Variants in LRRC36 observed in about 807,000 individuals in gnomAD.
The protein encoded by LRRC36 is leucine rich repeat containing 36.
In LRRC36, 62 loss-of-function variants were observed where a neutral mutation model predicts 81.1. The ratio of observed to expected loss-of-function variants is 0.76; its 90% CI spans 0.62 to 0.94. The LOEUF is 0.94. Ranked by LOEUF, LRRC36 falls within the 40% of genes least tolerant of loss-of-function variation. The pLI is 0.00. For synonymous variants in LRRC36, 334 were observed against 348.6 expected, an observed-to-expected ratio of 0.96 and a Z score of 0.47; for missense variants, 761 against 881.7, an observed-to-expected ratio of 0.86 and a Z score of 1.73.
chr16:67,384,440 A>C (rs1338755375), intron 13 of LRRC36, among the ~76,000 whole-genome samples: 1 of 152,198 alleles, frequency 6.6e-6, no homozygotes, highest in Non-Finnish European at 1.5e-5. Flanking sequence ...ATCTCGAAAA[A>C]AAAAATTAGA....
rs781368405 is a variant in LRRC36 at position 67,376,880 on chromosome 16, C to T, written c.1806+8C>T. Reference sequence around the variant, plus strand: ...CTGGTCCCTAATGACATGGTATGCCCCTCTCATCTCCCTTTAGAAAAGGAC... The same window carrying T: ...CTGGTCCCTAATGACATGGTATGCCTCTCTCATCTCCCTTTAGAAAAGGAC... On this transcript the variant is annotated splice_region_variant and intron_variant, in intron 11 of 13. Coordinates refer to ENST00000329956, the MANE Select transcript of LRRC36 (RefSeq NM_018296.6). 4 of 1,602,496 alleles carry T rather than the reference C, an allele frequency of 2.5e-6. No individual in the cohort carries two copies. In the Admixed American group the frequency reaches 6.7e-5, roughly 27 times the overall value.
rs944235932 is a variant in LRRC36, at chr16:67,351,407, G to A, written c.577+1117G>A. Among the ~76,000 whole-genome samples the A allele has an allele frequency of 6.6e-5, 10 of 151,962 alleles. No individual in the cohort carries two copies. The South Asian group carries it at 2.1e-3, about 32-fold the overall frequency. On this transcript the variant is annotated intron_variant, in intron 5 of 13. Transcript: ENST00000329956. ...TGACAAATGATTTTTAGAGTATTTT[G>A]TGATAAAATGAGACACGGGCCGGGC...
Position 67,376,659 on chromosome 16 carries a change from T to TA in LRRC36, c.1661-67dup. Reference sequence around the variant, plus strand: ...CTATTTGATCCAGAGAGCTGGTAGTTACTGACTAGGAATGCTGTGCCTTAG... The same window carrying TA: ...CTATTTGATCCAGAGAGCTGGTAGTTAACTGACTAGGAATGCTGTGCCTTAG... On this transcript the variant is annotated intron_variant, in intron 10 of 13. Transcript: ENST00000329956. The TA allele has an allele frequency of 8.0e-6, 12 of 1,505,732 alleles. No homozygotes were observed. The South Asian group carries it at 1.5e-4, about 18-fold the overall frequency. The allele number at this position is 1,505,732 out of a possible 1,614,324, so 93.3% of individuals were successfully genotyped here.
chr16:67,384,336 AG>A (rs1463967994), intron 13 of LRRC36, among the ~76,000 whole-genome samples: 4 of 152,172 alleles, frequency 2.6e-5, no homozygotes, highest in African/African-American at 9.7e-5. Flanking sequence ...TGGGAGGCTG[AG>A]GCAGGAGAAT....
chr16:67,329,399 T>C (rs1214937216), intron 1 of LRRC36, among the ~76,000 whole-genome samples: 5 of 152,080 alleles, frequency 3.3e-5, no homozygotes. Flanking sequence ...CAAGCAATTC[T>C]CCTGCCTCAG....
intron 6 of LRRC36, 44 bp downstream of exon 6, chr16:67,363,758 T>A: frequency 6.3e-7 from 1 of 1,592,846 alleles, no homozygotes; most frequent in Non-Finnish European, 8.6e-7. Context: ...TAGTCAATGA[T>A]TAATACTGAT....
At chr16:67,378,164 T>A (rs1299435462) in intron 11 of LRRC36, among the ~76,000 whole-genome samples, 1 of 152,000 alleles carries the variant, frequency 6.6e-6, no homozygotes, top group African/African-American at 2.4e-5. Flanking sequence ...GATGCTGACT[T>A]CCAATCAGTT....
intron 1 of LRRC36, among the ~76,000 whole-genome samples, chr16:67,328,439 G>T (rs900186398): frequency 1.3e-5 from 2 of 152,148 alleles, no homozygotes; most frequent in Admixed American, 1.3e-4. Context: ...CGTGAACCCA[G>T]GAGGCGGAGC....
In LRRC36 at chr16:67,370,116, C is replaced by G. The variant is rs150308556; in HGVS notation, c.1196-828C>G. On this transcript the variant is annotated intron_variant, in intron 8 of 13. Transcript: ENST00000329956. ...GAGAGGCTGGTTTTAAATAAAAGCACAGATAGTTCATCTATTGTAATAAGA... is the reference window on the plus strand; with the variant it reads ...GAGAGGCTGGTTTTAAATAAAAGCAGAGATAGTTCATCTATTGTAATAAGA... 2.2e-3 allele frequency among the ~76,000 whole-genome samples: 334 copies of G among 152,164 alleles called. 2 individuals are homozygous for G. The highest frequency in any genetic ancestry group is 7.7e-3 in the African/African-American group (319 of 41,518).
rs780430394 is a variant in LRRC36, at chr16:67,378,634, A to G, written c.1852A>G (p.Ile618Val). 3 of 1,614,138 alleles carry G rather than the reference A, an allele frequency of 1.9e-6. No homozygotes were observed. Among genetic ancestry groups the G allele is most frequent in the Non-Finnish European group, 2.5e-6 (3 of 1,179,976 alleles). Reference protein sequence around the residue: ...KLVRVLEENLILSEKIQQLEE... With the variant: ...KLVRVLEENLVLSEKIQQLEE... ...GGTCAGAGTGCTGGAGGAAAACCTCATTTTGTCAGAAAAAATTCAACAGTT... is the reference window on the plus strand; with the variant it reads ...GGTCAGAGTGCTGGAGGAAAACCTCGTTTTGTCAGAAAAAATTCAACAGTT... The change falls in exon 12 of 14, where the codon ATT becomes GTT. Residue 618 changes from isoleucine to valine, a missense_variant. Transcript: ENST00000329956.
intron 5 of LRRC36, among the ~76,000 whole-genome samples, chr16:67,354,511 C>T (rs957245925): frequency 5.3e-4 from 80 of 152,320 alleles, no homozygotes; most frequent in African/African-American, 1.6e-3. Context: ...CCCCTAACCT[C>T]AAGTGATCCA....
chr16:67,380,288 T>A (rs1448855760), intron 12 of LRRC36, among the ~76,000 whole-genome samples: 3 of 152,170 alleles, frequency 2.0e-5, no homozygotes, highest in Non-Finnish European at 4.4e-5. Context: ...CATAAATCAC[T>A]CCCAAGAAAA....
chr16:67,368,974 A>G (rs2039521762), intron 8 of LRRC36, among the ~76,000 whole-genome samples: 1 of 152,328 alleles, frequency 6.6e-6, no homozygotes, highest in Non-Finnish European at 1.5e-5. Flanking sequence ...AAAGAATGGG[A>G]GGTAGAGATT....
At chr16:67,345,847 T>C (rs916722126) in intron 2 of LRRC36, among the ~76,000 whole-genome samples, 3 of 151,862 alleles carry the variant, frequency 2.0e-5, no homozygotes, top group Non-Finnish European at 2.9e-5. Context: ...TCCCTTCTTC[T>C]TGTAAATTAA....
intron 2 of LRRC36, among the ~76,000 whole-genome samples, chr16:67,343,416 T>TCTGGTCACGGTGG (rs1046184380): frequency 1.3e-5 from 2 of 151,758 alleles, no homozygotes; most frequent in African/African-American, 2.4e-5. Context: ...AATCAAGTTG[T>TCTGGTCACGGTGG]CTGGTCACGG....
At chr16:67,344,928 AATT>A (rs1357906863) in intron 2 of LRRC36, among the ~76,000 whole-genome samples, 1 of 152,198 alleles carries the variant, frequency 6.6e-6, no homozygotes, top group African/African-American at 2.4e-5. Flanking sequence ...GATGGAAAAT[AATT>A]TCACCTTTCC....
chr16:67,375,122 G>A (rs572056712), intron 9 of LRRC36, 125 bp from the exon 10 acceptor site: 100 of 1,060,894 alleles, frequency 9.4e-5, no homozygotes, highest in Admixed American at 3.6e-4. Context: ...GCGAGACTCC[G>A]TCTCCAAAAA....
At chr16:67,362,268 T>C (rs377478214) in intron 5 of LRRC36, 1 of 443,104 alleles carries the variant, frequency 2.3e-6, no homozygotes, top group Non-Finnish European at 4.5e-6. Context: ...GTTCAAGCAG[T>C]TCTCCTGCCT....
rs143700189 is a variant in LRRC36 at position 67,376,726 on chromosome 16, G to C, written c.1661-1G>C. 4.1e-5 allele frequency: 66 copies of C among 1,609,626 alleles called. No individual in the cohort carries two copies. The East Asian group carries it at 1.1e-3, about 26-fold the overall frequency. On this transcript the variant is annotated splice_acceptor_variant, in intron 10 of 13. Coordinates refer to ENST00000329956, the MANE Select transcript of LRRC36 (RefSeq NM_018296.6). LOFTEE classifies it high-confidence loss of function. ...GTGTGCCCATCCTGAATTTTTGGCA[G>C]GTCCTGCCCGAGATTTGCTTCTGTC...
Sources: gnomAD v4.1 joint callset for allele counts (sites outside exome capture counted in the v4.1 genomes callset) on GRCh38, gnomAD v4.1.1 for gene constraint, MANE v1.5 for transcripts, NCBI Gene and HGNC (gene_info 2026-07-23, HGNC 2026-07-21) for gene names.